BMAL1: variants seen among roughly 807,000 people sequenced by gnomAD.
BMAL1 encodes the protein basic helix-loop-helix ARNT like 1, also known as basic helix-loop-helix ARNT-like protein 1.
chr11:13,288,298 A>G, the BMAL1 span, among the ~76,000 whole-genome samples: 1 of 152,164 alleles, frequency 6.6e-6, no homozygotes, highest in South Asian at 2.1e-4. Flanking sequence ...CCAGGCTTAA[A>G]ATAAGGCCAT....
At chr11:13,294,091 G>A in the BMAL1 span, among the ~76,000 whole-genome samples, 44 of 152,202 alleles carry the variant, frequency 2.9e-4, no homozygotes, top group Non-Finnish European at 5.6e-4. Context: ...AGGAAAATGG[G>A]GGCTCAGTGG....
the BMAL1 span, among the ~76,000 whole-genome samples, chr11:13,287,986 T>C: frequency 2.6e-5 from 4 of 152,160 alleles, no homozygotes; most frequent in Admixed American, 1.3e-4. Flanking sequence ...TTTATGAGCA[T>C]TGTAGAAGGG....
the BMAL1 span, chr11:13,277,757 C>A: frequency 6.6e-6 from 1 of 152,290 alleles, no homozygotes; most frequent in Non-Finnish European, 1.5e-5. Flanking sequence ...CGGGCCTGGG[C>A]CGGCGGGGAG....
At chr11:13,370,498 C>T in the BMAL1 span, among the ~76,000 whole-genome samples, 1 of 152,236 alleles carries the variant, frequency 6.6e-6, no homozygotes, top group Non-Finnish European at 1.5e-5. Context: ...ATGGCACTGC[C>T]ATTCAGCTGG....
chr11:13,372,080 C>T, the BMAL1 span: 1 of 1,565,032 alleles, frequency 6.4e-7, no homozygotes, highest in Admixed American at 1.8e-5. Flanking sequence ...GACTCCCTAC[C>T]TACATCCCAT....
At chr11:13,375,709 G>C in the BMAL1 span, 2 of 1,604,342 alleles carry the variant, frequency 1.2e-6, no homozygotes, top group Admixed American at 1.7e-5. Flanking sequence ...TCAGTTTCAT[G>C]AACCCTTGGA....
chr11:13,348,950 C>T, the BMAL1 span, among the ~76,000 whole-genome samples: 4 of 152,068 alleles, frequency 2.6e-5, no homozygotes, highest in East Asian at 7.7e-4. Context: ...TCAGGAAAGC[C>T]CCGTTTAAAA....
the BMAL1 span, chr11:13,372,259 A>G: frequency 3.7e-5 from 59 of 1,614,204 alleles, no homozygotes; most frequent in Non-Finnish European, 4.5e-5. Flanking sequence ...GAACCAGACA[A>G]TGAGGGGTGT....
At chr11:13,367,572 G>A in the BMAL1 span, among the ~76,000 whole-genome samples, 12 of 152,058 alleles carry the variant, frequency 7.9e-5, no homozygotes, top group Admixed American at 3.3e-4. Flanking sequence ...GTGGTGGTGC[G>A]TGCCTGTAAT....
At chr11:13,375,587 G>A in the BMAL1 span, 1 of 1,536,710 alleles carries the variant, frequency 6.5e-7, no homozygotes, top group Non-Finnish European at 8.7e-7. Context: ...AAACAACAAT[G>A]TCCATGTTTT....
the BMAL1 span, among the ~76,000 whole-genome samples, chr11:13,301,192 C>T: frequency 6.6e-6 from 1 of 152,202 alleles, no homozygotes; most frequent in African/African-American, 2.4e-5. Flanking sequence ...GCCTCGGCCT[C>T]CCAAAGTGTT....
At chr11:13,355,121 C>T in the BMAL1 span, 25 of 985,098 alleles carry the variant, frequency 2.5e-5, no homozygotes, top group East Asian at 1.3e-4. Context: ...GAAGCACCTG[C>T]GTGGAATCTT....
the BMAL1 span, among the ~76,000 whole-genome samples, chr11:13,363,560 C>G: frequency 6.6e-6 from 1 of 152,154 alleles, no homozygotes; most frequent in South Asian, 2.1e-4. Flanking sequence ...ACAGTTTGGC[C>G]GCAGGAGCTG....
chr11:13,384,230 T>G, the BMAL1 span, among the ~76,000 whole-genome samples: 22,895 of 152,220 alleles, frequency 0.15, 1,979 homozygotes, highest in Admixed American at 0.24. Flanking sequence ...AAAACTTGTC[T>G]CTGCTACTTT....
At chr11:13,378,715 A>T in the BMAL1 span, 1 of 412,000 alleles carries the variant, frequency 2.4e-6, no homozygotes, top group Non-Finnish European at 4.3e-6. Flanking sequence ...ATCCTGCCTT[A>T]AATAAAGAAG....
At chr11:13,286,798 T>C in the BMAL1 span, among the ~76,000 whole-genome samples, 1 of 152,212 alleles carries the variant, frequency 6.6e-6, no homozygotes, top group Admixed American at 6.5e-5. Flanking sequence ...GTAAATTGTT[T>C]TTTCTTTTTA....
chr11:13,381,923 G>GGAC, the BMAL1 span, among the ~76,000 whole-genome samples: 3 of 152,158 alleles, frequency 2.0e-5, no homozygotes, highest in Non-Finnish European at 4.4e-5. Context: ...GTAGAGCTTA[G>GGAC]GACAGTTTAA....
At chr11:13,287,464 A>T in the BMAL1 span, among the ~76,000 whole-genome samples, 88 of 152,340 alleles carry the variant, frequency 5.8e-4, no homozygotes, top group Admixed American at 2.1e-3. Flanking sequence ...TGGCAATGTC[A>T]TCTCTTGTTC....
chr11:13,359,424 T>C, the BMAL1 span, among the ~76,000 whole-genome samples: 9 of 152,208 alleles, frequency 5.9e-5, no homozygotes, highest in Non-Finnish European at 1.2e-4. Flanking sequence ...TACCCAAAAA[T>C]ATAAATGTTG....
Sources: gnomAD v4.1 joint callset for allele counts (sites outside exome capture counted in the v4.1 genomes callset) on GRCh38, gnomAD v4.1.1 for gene constraint, MANE v1.5 for transcripts, NCBI Gene and HGNC (gene_info 2026-07-23, HGNC 2026-07-21) for gene names.